The following VPS13B variants were observed in gnomAD, a reference collection of about 807,000 sequenced individuals.
The protein encoded by VPS13B is vacuolar protein sorting 13 homolog B, also known as intermembrane lipid transfer protein VPS13B.
VPS13B carries 285 observed loss-of-function variants against 426.4 expected under a neutral mutation model. The observed-to-expected ratio is 0.67, with a 90% CI of 0.61 to 0.74. VPS13B has a LOEUF of 0.74. Among genes scored for constraint, VPS13B ranks in the 30% least tolerant of loss-of-function variants. The pLI, the probability that VPS13B is intolerant of heterozygous loss-of-function variation, is 0.00. For synonymous variants in VPS13B, 1,676 were observed against 1,676.4 expected (o/e 1.00, Z 0.01); for missense variants, 4,537 against 4,782.6 (o/e 0.95, Z 1.51).
chr8:99,096,566 G>T (rs944679678), intron 4 of VPS13B, 134 bp downstream of exon 4: 121 of 1,254,012 alleles, frequency 9.6e-5, no homozygotes, highest in Non-Finnish European at 1.3e-4. Flanking sequence ...GACCAGCCTG[G>T]CCAACATGGT....
intron 8 of VPS13B, chr8:99,121,809 G>T: frequency 1.1e-5 from 2 of 178,946 alleles, no homozygotes; most frequent in Admixed American, 5.9e-5. Flanking sequence ...TCCTTTCTGT[G>T]CTCTCCTTCG....
chr8:99,690,575 T>C (rs1831612164), intron 35 of VPS13B, among the ~76,000 whole-genome samples: 1 of 152,148 alleles, frequency 6.6e-6, no homozygotes, highest in Non-Finnish European at 1.5e-5. Context: ...ATGATATATC[T>C]GATATTTGCA....
intron 31 of VPS13B, among the ~76,000 whole-genome samples, chr8:99,574,918 C>G (rs1327351302): frequency 2.0e-5 from 3 of 152,154 alleles, no homozygotes; most frequent in Admixed American, 6.5e-5. Flanking sequence ...AATCCCAGCA[C>G]TTTGAGAGTC....
intron 21 of VPS13B, among the ~76,000 whole-genome samples, chr8:99,419,702 G>A (rs1816267699): frequency 1.3e-5 from 2 of 152,060 alleles, no homozygotes; most frequent in South Asian, 4.1e-4. Flanking sequence ...AAATAAAAAT[G>A]AAACCACAAA....
At chr8:99,275,579 A>C (rs920869534) in intron 19 of VPS13B, among the ~76,000 whole-genome samples, 9 of 152,254 alleles carry the variant, frequency 5.9e-5, no homozygotes, top group African/African-American at 1.9e-4. Context: ...AGATAGTAGC[A>C]CTTTGTAACC....
chr8:99,029,061 C>G (rs1249808224), intron 2 of VPS13B, among the ~76,000 whole-genome samples: 3 of 146,844 alleles, frequency 2.0e-5, no homozygotes, highest in Admixed American at 2.0e-4. Flanking sequence ...ACTTCTCAGA[C>G]GGGGCGGCCG....
Position 99,135,131 on chromosome 8 carries a change from T to C in VPS13B, c.1419T>C (p.Ser473=). 2 of 1,613,292 alleles carry C rather than the reference T, an allele frequency of 1.2e-6. No individual in the cohort carries two copies. Among genetic ancestry groups the C allele is most frequent in the Non-Finnish European group, 1.7e-6 (2 of 1,179,412 alleles). Reference sequence around the variant, plus strand: ...ATTTTGAAGAGAATATGAATAGAAGTGAAACTGTAAGTCCGTTTCCTCCAT... The same window carrying C: ...ATTTTGAAGAGAATATGAATAGAAGCGAAACTGTAAGTCCGTTTCCTCCAT... The part of the protein sequence containing the change: ...VKDFEENMNR[S]ETEACFFICG... The change falls in exon 10 of 62, where the codon AGT becomes AGC. Residue 473 remains serine, a synonymous_variant. Coordinates refer to ENST00000357162, the MANE Select transcript of VPS13B (RefSeq NM_152564.5).
intron 30 of VPS13B, among the ~76,000 whole-genome samples, chr8:99,534,652 G>A (rs907645276): frequency 2.8e-4 from 43 of 151,996 alleles, no homozygotes; most frequent in African/African-American, 9.9e-4. Flanking sequence ...GAAAGCATAG[G>A]GTACCTTTAA....
chr8:99,648,030 A>G (rs1485218330), intron 34 of VPS13B, among the ~76,000 whole-genome samples: 1 of 152,208 alleles, frequency 6.6e-6, no homozygotes, highest in Non-Finnish European at 1.5e-5. Flanking sequence ...TTAAAATTAC[A>G]TCTTCCCTCC....
intron 21 of VPS13B, among the ~76,000 whole-genome samples, chr8:99,428,677 TTGG>T (rs1327968001): frequency 1.3e-5 from 2 of 152,264 alleles, no homozygotes; most frequent in South Asian, 2.1e-4. Context: ...TTTTACACTG[TTGG>T]TGGGAGTGTA....
intron 39 of VPS13B, among the ~76,000 whole-genome samples, chr8:99,732,525 C>T (rs1439168472): frequency 6.6e-6 from 1 of 152,190 alleles, no homozygotes; most frequent in Admixed American, 6.5e-5. Flanking sequence ...AAATGGGGCT[C>T]GTTTGCAGAG....
chr8:99,324,569 A>C (rs897189244), intron 19 of VPS13B, among the ~76,000 whole-genome samples: 1 of 152,112 alleles, frequency 6.6e-6, no homozygotes, highest in Non-Finnish European at 1.5e-5. Context: ...TTTCTGATTT[A>C]TTTGTTGGAC....
intron 17 of VPS13B, among the ~76,000 whole-genome samples, chr8:99,263,574 T>TGACC (rs1271413738): frequency 6.6e-6 from 1 of 152,198 alleles, no homozygotes; most frequent in Non-Finnish European, 1.5e-5. Flanking sequence ...CCTTGGCCTG[T>TGACC]GACCCCCTTC....
chr8:99,434,046 G>C (rs575484377), intron 22 of VPS13B, among the ~76,000 whole-genome samples: 1 of 152,060 alleles, frequency 6.6e-6, no homozygotes, highest in Non-Finnish European at 1.5e-5. Context: ...GACCTCAGGC[G>C]ATCTGCCTGT....
At chr8:99,526,034 C>T (rs1822622871) in intron 30 of VPS13B, among the ~76,000 whole-genome samples, 1 of 146,590 alleles carries the variant, frequency 6.8e-6, no homozygotes, top group Non-Finnish European at 1.5e-5. Context: ...AAGAATTATC[C>T]ACACATGCAG....
At chr8:99,032,580 A>C (rs1587940256) in intron 2 of VPS13B, among the ~76,000 whole-genome samples, 1 of 141,838 alleles carries the variant, frequency 7.1e-6, no homozygotes, top group Non-Finnish European at 1.5e-5. Context: ...CCCAGGCTGG[A>C]GTGCAGTGGC....
At chr8:99,307,812 G>T (rs1820723834) in intron 19 of VPS13B, among the ~76,000 whole-genome samples, 1 of 151,836 alleles carries the variant, frequency 6.6e-6, no homozygotes, top group Admixed American at 6.6e-5. Flanking sequence ...GGTTTGGTTT[G>T]TTCTTGCTTT....
intron 16 of VPS13B, among the ~76,000 whole-genome samples, chr8:99,182,934 G>A (rs1168918309): frequency 2.0e-5 from 3 of 152,004 alleles, no homozygotes; most frequent in African/African-American, 4.8e-5. Context: ...ACTGGGTTTC[G>A]GGTTTCATTA....
chr8:99,488,404 C>T (rs1440149284), intron 25 of VPS13B, among the ~76,000 whole-genome samples: 6 of 150,864 alleles, frequency 4.0e-5, no homozygotes, highest in African/African-American at 1.2e-4. Context: ...TTTTTTTTTC[C>T]TCCTGGGGAA....
Sources: gnomAD v4.1 joint callset for allele counts (sites outside exome capture counted in the v4.1 genomes callset) on GRCh38, gnomAD v4.1.1 for gene constraint, MANE v1.5 for transcripts, NCBI Gene and HGNC (gene_info 2026-07-23, HGNC 2026-07-21) for gene names.